LAMA5: variants seen among roughly 807,000 people sequenced by gnomAD.
The protein encoded by LAMA5 is laminin subunit alpha 5.
In LAMA5, 260 loss-of-function variants were observed where a neutral mutation model predicts 433.4. The observed-to-expected ratio is 0.60, with a 90% CI of 0.54 to 0.66. LAMA5 has a LOEUF of 0.66. Among genes scored for constraint, LAMA5 ranks in the 30% least tolerant of loss-of-function variants. The pLI is 0.00. For synonymous variants in LAMA5, 2,620 were observed against 2,226.6 expected, an observed-to-expected ratio of 1.18 and a Z score of -4.97; for missense variants, 5,378 against 5,258.5, an observed-to-expected ratio of 1.02 and a Z score of -0.70.
intron 11 of LAMA5, among the ~76,000 whole-genome samples, chr20:62,341,212 G>A (rs191873217): frequency 4.6e-5 from 7 of 152,148 alleles, no homozygotes; most frequent in South Asian, 4.1e-4. Context: ...TGCACACCAC[G>A]AAAAGGACAG....
intron 18 of LAMA5, 93 bp from the exon 19 acceptor site, chr20:62,335,362 C>A: frequency 7.7e-7 from 1 of 1,297,532 alleles, no homozygotes. Context: ...ACACCCCCTC[C>A]AGGGCACACT....
chr20:62,317,754 C>T lies in LAMA5; in HGVS notation c.7264G>A (p.Asp2422Asn), dbSNP rs1258974248. The change falls in exon 54 of 80, where the codon GAC becomes AAC. Residue 2422 changes from aspartate to asparagine, a missense_variant. By Grantham distance (23) the Asp-to-Asn change is conservative. Transcript: ENST00000252999. ...AGAGTGGCCTGCAGGGTGGCATTGT[C>T]CCGGGACAGCTCCTGCTTCCTTTGC... ...ALQRKQELSR[D>N]NATLQATLHA... 1.2e-6 allele frequency: 2 copies of T among 1,603,892 alleles called. No individual in the cohort carries two copies. Among genetic ancestry groups the T allele is most frequent in the Non-Finnish European group, 1.7e-6 (2 of 1,176,232 alleles).
intron 55 of LAMA5, 118 bp from the exon 56 acceptor site, chr20:62,317,141 A>G (rs1449422645): frequency 8.6e-6 from 11 of 1,284,500 alleles, no homozygotes; most frequent in Non-Finnish European, 1.1e-5. Context: ...TCCCGCCTCC[A>G]GGTCTTTGCC....
chr20:62,360,659 T>C (rs1278413032), intron 2 of LAMA5, among the ~76,000 whole-genome samples: 2 of 67,696 alleles, frequency 3.0e-5, no homozygotes, highest in South Asian at 4.3e-4. Flanking sequence ...GGTGGAGGGA[T>C]AGATGGGTGG....
In LAMA5 at chr20:62,309,292, A is replaced by G. The variant is rs781519951; in HGVS notation, c.*44T>C. On this transcript the variant is annotated 3_prime_UTR_variant, in exon 80 of 80. Transcript: ENST00000252999. ...TGAGGCGAGCACAAGGGGCGGTGTG[A>G]GGCAGCTGCAGGGGCCTGACCAGGG... The G allele has an allele frequency of 5.7e-6, 9 of 1,578,700 alleles. No individual in the cohort carries two copies. Among genetic ancestry groups the G allele is most frequent in the Admixed American group, 1.7e-5 (1 of 58,204 alleles).
intron 25 of LAMA5, 21 bp from the exon 26 acceptor site, chr20:62,333,264 G>A: frequency 2.5e-5 from 39 of 1,564,230 alleles, no homozygotes; most frequent in Non-Finnish European, 3.4e-5. Context: ...ACAGGCCGTG[G>A]TCAGCCCCAG....
At chr20:62,355,993 G>A (rs547447889) in intron 2 of LAMA5, among the ~76,000 whole-genome samples, 4 of 152,258 alleles carry the variant, frequency 2.6e-5, no homozygotes, top group East Asian at 1.9e-4. Flanking sequence ...CGCTCTCCTC[G>A]GCCCGATCTG....
At position 62,346,603 on chromosome 20, in the gene LAMA5, G is replaced by A. The variant is rs1983411348; in HGVS notation, c.1192-7C>T. 1.2e-6 allele frequency: 2 copies of A among 1,608,012 alleles called. No homozygotes were observed. The highest frequency in any genetic ancestry group is 2.2e-5 in the East Asian group (1 of 44,676). ...TGACGCCGGTGGTGTGGTGCTGGGA[G>A]TGCAATGGCCGTTGAGTCTGGGGAG... On this transcript the variant is annotated splice_region_variant and splice_polypyrimidine_tract_variant and intron_variant, in intron 8 of 79. Coordinates refer to ENST00000252999, the MANE Select transcript of LAMA5 (RefSeq NM_005560.6).
At chr20:62,341,522 CA>C (rs1982584967) in intron 11 of LAMA5, among the ~76,000 whole-genome samples, 4 of 152,202 alleles carry the variant, frequency 2.6e-5, no homozygotes, top group Admixed American at 2.6e-4. Context: ...CATCAATCGT[CA>C]CAACCAAAAA....
chr20:62,344,045 G>A (rs551366906), intron 11 of LAMA5, among the ~76,000 whole-genome samples: 12 of 148,448 alleles, frequency 8.1e-5, no homozygotes, highest in Non-Finnish European at 1.6e-4. Flanking sequence ...TCGGTAGACT[G>A]AAGCAGAAGA....
At position 62,324,271 on chromosome 20, in the gene LAMA5, C is replaced by T. The variant is rs1183618680; in HGVS notation, c.5644-67G>A. ...ATCCTACTGCCGAGTCTGTGCAGCT[C>T]CCACCACCCCTGCCTCAGACTCTGT... On this transcript the variant is annotated intron_variant, in intron 42 of 79. Transcript: ENST00000252999. This position sits in a 1 kb window ranked among gnomAD's most constrained non-coding sequence, Gnocchi z 4.4. 9 of 1,553,976 alleles carry T rather than the reference C, an allele frequency of 5.8e-6. No homozygotes were observed. Among genetic ancestry groups the T allele is most frequent in the African/African-American group, 1.4e-5 (1 of 72,562 alleles).
Position 62,323,632 on chromosome 20 carries a change from C to A in LAMA5, c.5888G>T (p.Gly1963Val). 6.2e-7 allele frequency: 1 copy of A among 1,611,114 alleles called. No homozygotes were observed. Among genetic ancestry groups the A allele is most frequent in the Non-Finnish European group, 8.5e-7 (1 of 1,179,296 alleles). The change falls in exon 45 of 80, where the codon GGC becomes GTC. Residue 1963 changes from glycine (G) to valine (V), a missense_variant. Gly to Val is a moderately radical substitution (Grantham distance 109, BLOSUM62 -3). Transcript: ENST00000252999. Reference sequence around the variant, plus strand: ...GCAGTCGCATGGCTGGCAGGAGCTGCCCAGCACCAGTGGGTTCCCAAAGAA... The same window carrying A: ...GCAGTCGCATGGCTGGCAGGAGCTGACCAGCACCAGTGGGTTCCCAAAGAA... ...PGFFGNPLVLGSSCQPCDCSG... is the reference protein window; with the variant it reads ...PGFFGNPLVLVSSCQPCDCSG...
rs148875391 is a variant in LAMA5 at position 62,332,426 on chromosome 20, G to A, written c.3498C>T (p.His1166=). The change falls in exon 28 of 80, where the codon CAC becomes CAT. Residue 1166 remains histidine (H), a synonymous_variant. Transcript: ENST00000252999. The part of the protein sequence containing the change: ...RDTQDHLAVF[H]LDSEASVRLT... ...GCCTCACGCTGGCCTCCGAGTCCAG[G>A]TGGAAGACAGCCAGGTGGTCCTGGG... is the stretch of plus-strand genomic sequence containing the variant. The A allele has an allele frequency of 1.2e-5, 20 of 1,612,844 alleles. No individual in the cohort carries two copies. Among genetic ancestry groups the A allele is most frequent in the African/African-American group, 2.7e-5 (2 of 75,074 alleles).
At position 62,352,062 on chromosome 20, in the gene LAMA5, C is replaced by T. The variant is rs1203177279; in HGVS notation, c.705G>A (p.Val235=). 6 of 1,611,714 alleles carry T rather than the reference C, an allele frequency of 3.7e-6. No individual in the cohort carries two copies. Among genetic ancestry groups the T allele is most frequent in the Non-Finnish European group, 4.2e-6 (5 of 1,179,818 alleles). The change falls in exon 5 of 80, where the codon GTG becomes GTA. Residue 235 remains valine, a synonymous_variant. Coordinates refer to ENST00000252999, the MANE Select transcript of LAMA5 (RefSeq NM_005560.6). ...AATTCATGGCGCCCGGACGTCCGTT[C>T]ACCAGGGACACCACGATCTGTGGGC... is the stretch of plus-strand genomic sequence containing the variant. ...LENGEIVVSL[V]NGRPGAMNFS...
At chr20:62,326,009 T>C (rs1278949343) in intron 40 of LAMA5, among the ~76,000 whole-genome samples, 1 of 151,974 alleles carries the variant, frequency 6.6e-6, no homozygotes, top group Non-Finnish European at 1.5e-5. Flanking sequence ...TCACCTGAAG[T>C]CAGGAGTTCG....
rs778793709 is a variant in LAMA5, at chr20:62,337,846, G to A, written c.1984C>T (p.Gln662Ter). The A allele has an allele frequency of 6.2e-7, 1 of 1,612,762 alleles. No individual in the cohort carries two copies. The highest frequency in any genetic ancestry group is 1.1e-5 in the South Asian group (1 of 91,076). Reference sequence around the variant, plus strand: ...CCGTGAAAGCCGGGGCTGCATTCCTGGCAGGCAGTGCCTGTGTAGCCGGGG... The same window carrying A: ...CCGTGAAAGCCGGGGCTGCATTCCTAGCAGGCAGTGCCTGTGTAGCCGGGG... The part of the protein sequence containing the change: ...CRPGYTGTAC[Q>*]ECSPGFHGFP... Residue 662 changes from glutamine to a stop codon, truncating the protein, a stop_gained, in exon 15 of 80, where the codon CAG (glutamine) becomes TAG (stop). Coordinates refer to ENST00000252999, the MANE Select transcript of LAMA5 (RefSeq NM_005560.6). LOFTEE classifies it high-confidence loss of function.
chr20:62,316,503 C>T (rs1019151791), intron 57 of LAMA5, among the ~76,000 whole-genome samples, 168 bp downstream of exon 57: 5 of 152,312 alleles, frequency 3.3e-5, no homozygotes, highest in African/African-American at 1.2e-4. Flanking sequence ...CAGGGCTCCC[C>T]GGGGCTGACA....
chr20:62,356,831 G>GCGCC (rs1985309976), intron 2 of LAMA5, among the ~76,000 whole-genome samples: 1 of 151,954 alleles, frequency 6.6e-6, no homozygotes, highest in South Asian at 2.1e-4. Flanking sequence ...GAAGGTTTGA[G>GCGCC]CGCCCTGGGA....
chr20:62,342,621 G>A (rs771703557), intron 11 of LAMA5, among the ~76,000 whole-genome samples: 5 of 152,138 alleles, frequency 3.3e-5, no homozygotes, highest in Non-Finnish European at 7.3e-5. Flanking sequence ...AGAGCTTGCA[G>A]TGAGCCGAGA....
Sources: gnomAD v4.1 joint callset for allele counts (sites outside exome capture counted in the v4.1 genomes callset) on GRCh38, gnomAD v4.1.1 for gene constraint, Gnocchi (gnomAD v3.1) non-coding constraint, MANE v1.5 for transcripts, NCBI Gene and HGNC (gene_info 2026-07-23, HGNC 2026-07-21) for gene names.